The following NTF3 variants were observed in gnomAD, a reference collection of about 807,000 sequenced individuals.
The protein encoded by NTF3 is neurotrophin-3.
NTF3 carries 8 observed loss-of-function variants against 26.3 expected under a neutral mutation model. That is an observed-to-expected ratio of 0.30 (90% CI 0.18 to 0.55). The LOEUF (loss-of-function observed/expected upper bound fraction) is 0.55. NTF3 is among the 20% of genes least tolerant of loss of function. The probability of loss-of-function intolerance (pLI) is 0.93; values close to 1 mark genes in which losing one functional copy is unlikely to be tolerated. For synonymous variants in NTF3, 154 were observed against 145.5 expected, an observed-to-expected ratio of 1.06 and a Z score of -0.42; for missense variants, 276 against 352.9, an observed-to-expected ratio of 0.78 and a Z score of 1.75.
chr12:5,432,265 C>A lies in NTF3; in HGVS notation c.-60C>A, dbSNP rs1346533650. ...CGGGGTGGGGGAGACTTTGAATGAC[C>A]GAGCTCGCGTCCACCTTTCTCTTCA... On this transcript the variant is annotated 5_prime_UTR_variant, in exon 1 of 2. Transcript: ENST00000423158. 1.9e-6 allele frequency: 3 copies of A among 1,601,688 alleles called. No homozygotes were observed. In the African/African-American group the frequency reaches 4.0e-5, roughly 21 times the overall value.
At chr12:5,458,685 G>A (rs2121186032) in intron 1 of NTF3, among the ~76,000 whole-genome samples, 1 of 152,280 alleles carries the variant, frequency 6.6e-6, no homozygotes. Context: ...ATTCACTTTG[G>A]CAAATGTTTA....
chr12:5,475,602 T>C (rs907074135), intron 1 of NTF3, among the ~76,000 whole-genome samples: 12 of 152,078 alleles, frequency 7.9e-5, no homozygotes, highest in Admixed American at 4.6e-4. Flanking sequence ...TGGGAGGCTA[T>C]GGTGGGAGGA....
At chr12:5,450,329 A>T (rs1940356967) in intron 1 of NTF3, among the ~76,000 whole-genome samples, 1 of 152,218 alleles carries the variant, frequency 6.6e-6, no homozygotes, top group Admixed American at 6.5e-5. Flanking sequence ...TGGAGTGGAG[A>T]TACCAGAGGA....
At chr12:5,465,744 C>T (rs890050622) in intron 1 of NTF3, among the ~76,000 whole-genome samples, 5 of 152,234 alleles carry the variant, frequency 3.3e-5, no homozygotes, top group Non-Finnish European at 7.3e-5. Context: ...TCCAGCTCAC[C>T]TGGTGGAACT....
At chr12:5,434,307 G>A (rs953147612) in intron 1 of NTF3, among the ~76,000 whole-genome samples, 5 of 152,186 alleles carry the variant, frequency 3.3e-5, no homozygotes, top group African/African-American at 9.7e-5. Flanking sequence ...TAGAAAGTCT[G>A]GGGTATTTCC....
chr12:5,466,027 A>G (rs1383334019), intron 1 of NTF3, among the ~76,000 whole-genome samples: 4 of 152,150 alleles, frequency 2.6e-5, no homozygotes, highest in Admixed American at 6.5e-5. Context: ...AAGTCCCCCA[A>G]CTTTCAGCCT....
Position 5,454,665 on chromosome 12 carries a change from T to A in NTF3, c.18+22323T>A, listed in dbSNP as rs1940415166. On this transcript the variant is annotated intron_variant, in intron 1 of 1. Coordinates refer to ENST00000423158, the MANE Select transcript of NTF3 (RefSeq NM_001102654.2). ...AATAACAACCAGGGAGGAAAGCATC[T>A]CATTTTCCTTGGCTCAGTTCAGCTT... Among the ~76,000 whole-genome samples, 4 of 152,342 alleles carry A rather than the reference T, an allele frequency of 2.6e-5. No homozygotes were observed. The South Asian group carries it at 8.3e-4, about 32-fold the overall frequency.
chr12:5,481,500 AGAATACCACACACACATGCACACAC>A (rs1940795841), intron 1 of NTF3, among the ~76,000 whole-genome samples: 2 of 149,116 alleles, frequency 1.3e-5, no homozygotes, highest in Non-Finnish European at 1.5e-5. Flanking sequence ...ACAGATACAC[AGAATACCACACACACATGCACACAC>A]ACAGACACAT....
chr12:5,453,314 A>T (rs1482046483), intron 1 of NTF3, among the ~76,000 whole-genome samples: 1 of 152,150 alleles, frequency 6.6e-6, no homozygotes. Flanking sequence ...TCTTTTTTCC[A>T]GTCCCTGATA....
chr12:5,476,947 G>A (rs1321169737), intron 1 of NTF3, among the ~76,000 whole-genome samples: 1 of 152,120 alleles, frequency 6.6e-6, no homozygotes, highest in East Asian at 1.9e-4. Context: ...AATAATACCT[G>A]TGGGAGCTGA....
At chr12:5,446,955 T>C (rs1394714043) in intron 1 of NTF3, among the ~76,000 whole-genome samples, 3 of 152,162 alleles carry the variant, frequency 2.0e-5, no homozygotes, top group African/African-American at 4.8e-5. Context: ...GAGACAACTA[T>C]GATCTGCAGA....
intron 1 of NTF3, among the ~76,000 whole-genome samples, chr12:5,471,190 G>A (rs1278150851): frequency 6.6e-6 from 1 of 152,082 alleles, no homozygotes; most frequent in Non-Finnish European, 1.5e-5. Flanking sequence ...CTATTTCAAG[G>A]GCTATTAATG....
At chr12:5,434,472 AGT>A (rs59874216) in intron 1 of NTF3, among the ~76,000 whole-genome samples, 4,129 of 142,486 alleles carry the variant, frequency 0.029, 68 homozygotes, top group South Asian at 0.076. Flanking sequence ...GTTTTTCCAA[AGT>A]GTGTGTGTGT....
chr12:5,460,980 A>AG (rs1443079144), intron 1 of NTF3, among the ~76,000 whole-genome samples: 1 of 152,214 alleles, frequency 6.6e-6, no homozygotes, highest in Non-Finnish European at 1.5e-5. Context: ...GATACAGATC[A>AG]GGGTTTTTCC....
intron 1 of NTF3, among the ~76,000 whole-genome samples, chr12:5,474,700 A>AG (rs1224754477): frequency 6.6e-6 from 1 of 152,180 alleles, no homozygotes; most frequent in East Asian, 1.9e-4. Context: ...AGGCTGGGAG[A>AG]GGGCAAAATA....
At chr12:5,467,891 C>G (rs1441640053) in intron 1 of NTF3, among the ~76,000 whole-genome samples, 6 of 152,176 alleles carry the variant, frequency 3.9e-5, no homozygotes, top group Non-Finnish European at 8.8e-5. Flanking sequence ...TGCTGTACTC[C>G]TTGGACACCC....
intron 1 of NTF3, among the ~76,000 whole-genome samples, chr12:5,471,805 C>A (rs1658726177): frequency 6.6e-6 from 1 of 151,798 alleles, no homozygotes; most frequent in African/African-American, 2.4e-5. Context: ...CTCTTCCTAG[C>A]AGAAAGTAGA....
chr12:5,490,780 T>C (rs1940926255), intron 1 of NTF3, among the ~76,000 whole-genome samples: 1 of 152,136 alleles, frequency 6.6e-6, no homozygotes, highest in Non-Finnish European at 1.5e-5. Context: ...GTGTAACTGG[T>C]CTGAGATCCA....
intron 1 of NTF3, among the ~76,000 whole-genome samples, chr12:5,458,824 C>T (rs1303955190): frequency 1.3e-5 from 2 of 152,194 alleles, no homozygotes; most frequent in Non-Finnish European, 2.9e-5. Flanking sequence ...AACTGGTCCT[C>T]ATTTCTCTGT....
Sources: gnomAD v4.1 joint callset for allele counts (sites outside exome capture counted in the v4.1 genomes callset) on GRCh38, gnomAD v4.1.1 for gene constraint, MANE v1.5 for transcripts, NCBI Gene and HGNC (gene_info 2026-07-23, HGNC 2026-07-21) for gene names.